The following GALNT13 variants were observed in gnomAD, a reference collection of about 807,000 sequenced individuals.
GALNT13 encodes UDP-GalNAc:polypeptide N-acetylgalactosaminyltransferase 13.
In GALNT13, 28 loss-of-function variants were observed where a neutral mutation model predicts 64.2. The ratio of observed to expected loss-of-function variants is 0.44; its 90% CI spans 0.32 to 0.60. The LOEUF (loss-of-function observed/expected upper bound fraction) is 0.60, where lower values mean the gene tolerates loss of function less well. Ranked by LOEUF, GALNT13 falls within the 20% of genes least tolerant of loss-of-function variation. The pLI, the probability that GALNT13 is intolerant of heterozygous loss-of-function variation, is 0.05. For missense variants in GALNT13, 577 were observed against 669.8 expected, an observed-to-expected ratio of 0.86 and a Z score of 1.53; for synonymous variants, 214 against 224.6, an observed-to-expected ratio of 0.95 and a Z score of 0.42.
intron 4 of GALNT13, among the ~76,000 whole-genome samples, chr2:154,237,992 T>C (rs1689286908): frequency 6.6e-6 from 1 of 152,042 alleles, no homozygotes; most frequent in African/African-American, 2.4e-5. Flanking sequence ...CTGATTTATA[T>C]GGCTTTTTTC....
chr2:153,789,698 A>C, the GALNT13 span, among the ~76,000 whole-genome samples: 1 of 152,110 alleles, frequency 6.6e-6, no homozygotes, highest in Non-Finnish European at 1.5e-5. Flanking sequence ...CTAGACTAAC[A>C]AAGAAAAGAG....
At chr2:154,315,647 TG>T (rs1178575358) in intron 9 of GALNT13, among the ~76,000 whole-genome samples, 2 of 152,200 alleles carry the variant, frequency 1.3e-5, no homozygotes, top group Admixed American at 6.5e-5. Flanking sequence ...GTATATTAAT[TG>T]CCTAAAAATG....
the GALNT13 span, among the ~76,000 whole-genome samples, chr2:153,768,993 A>T: frequency 6.6e-6 from 1 of 152,146 alleles, no homozygotes. Flanking sequence ...AGCTGTCTTT[A>T]GTCATTACAC....
intron 3 of GALNT13, among the ~76,000 whole-genome samples, chr2:153,980,623 A>T (rs1694399328): frequency 6.6e-6 from 1 of 152,126 alleles, no homozygotes; most frequent in Non-Finnish European, 1.5e-5. Context: ...GATTCATGTA[A>T]GAGTTTTGAG....
chr2:154,244,583 C>G (rs1164021491), intron 6 of GALNT13, among the ~76,000 whole-genome samples: 1 of 152,086 alleles, frequency 6.6e-6, no homozygotes, highest in Non-Finnish European at 1.5e-5. Context: ...TACCTTCTAC[C>G]AAATATGAAA....
chr2:153,708,550 A>T, the GALNT13 span, among the ~76,000 whole-genome samples: 1 of 152,178 alleles, frequency 6.6e-6, no homozygotes, highest in Non-Finnish European at 1.5e-5. Flanking sequence ...GAGAATCTTA[A>T]AAAAATTGAA....
At chr2:154,265,462 G>A (rs950399198) in intron 8 of GALNT13, among the ~76,000 whole-genome samples, 3 of 152,140 alleles carry the variant, frequency 2.0e-5, no homozygotes, top group Non-Finnish European at 2.9e-5. Context: ...ACTTTGTGAG[G>A]CCGAGGAGGG....
chr2:153,933,506 T>C (rs937385666), intron 2 of GALNT13, among the ~76,000 whole-genome samples: 1 of 152,178 alleles, frequency 6.6e-6, no homozygotes, highest in Non-Finnish European at 1.5e-5. Context: ...TGAGTCTTTC[T>C]TCTTTATCCA....
chr2:153,264,330 C>A, the GALNT13 span, among the ~76,000 whole-genome samples: 1 of 152,182 alleles, frequency 6.6e-6, no homozygotes. Context: ...TGCTTTTACA[C>A]TGTTGGTGGG....
chr2:153,747,349 C>A, the GALNT13 span, among the ~76,000 whole-genome samples: 2 of 151,592 alleles, frequency 1.3e-5, no homozygotes, highest in Admixed American at 1.3e-4. Flanking sequence ...CATCCCACCC[C>A]CTGAAACCCT....
chr2:153,358,106 A>C, the GALNT13 span, among the ~76,000 whole-genome samples: 1 of 152,212 alleles, frequency 6.6e-6, no homozygotes, highest in Admixed American at 6.5e-5. Context: ...AGTGCTGTGC[A>C]AAAGCCTTTT....
chr2:154,170,833 A>G (rs997363984), intron 4 of GALNT13, among the ~76,000 whole-genome samples: 2 of 152,210 alleles, frequency 1.3e-5, no homozygotes, highest in Non-Finnish European at 2.9e-5. Flanking sequence ...TTCCAACATG[A>G]AAATATCCAG....
chr2:153,700,141 C>G, the GALNT13 span, among the ~76,000 whole-genome samples: 1 of 152,094 alleles, frequency 6.6e-6, no homozygotes, highest in Admixed American at 6.6e-5. Flanking sequence ...AAAAGCTTAT[C>G]CACCACCACC....
chr2:153,851,559 G>C, the GALNT13 span, among the ~76,000 whole-genome samples: 12 of 150,992 alleles, frequency 7.9e-5, no homozygotes, highest in Admixed American at 7.9e-4. Context: ...AAAAAAAGTA[G>C]CTTGGTGTGA....
chr2:153,234,640 A>C, the GALNT13 span, among the ~76,000 whole-genome samples: 1 of 152,142 alleles, frequency 6.6e-6, no homozygotes, highest in Non-Finnish European at 1.5e-5. Flanking sequence ...CATCTACATA[A>C]GGATATTTTT....
intron 3 of GALNT13, among the ~76,000 whole-genome samples, chr2:153,957,389 G>T (rs1382071394): frequency 6.6e-6 from 1 of 152,230 alleles, no homozygotes; most frequent in East Asian, 1.9e-4. Context: ...TGGAGTCACT[G>T]AAGAAAAATG....
At chr2:154,291,458 C>T (rs1366778236) in intron 8 of GALNT13, among the ~76,000 whole-genome samples, 1 of 152,222 alleles carries the variant, frequency 6.6e-6, no homozygotes, top group African/African-American at 2.4e-5. Flanking sequence ...CCCCACCCTA[C>T]CCAGAAGCCC....
chr2:153,814,172 G>T, the GALNT13 span, among the ~76,000 whole-genome samples: 17 of 152,202 alleles, frequency 1.1e-4, no homozygotes, highest in Admixed American at 1.0e-3. Context: ...CGGGCGCGGT[G>T]GCTCACGCCT....
the GALNT13 span, among the ~76,000 whole-genome samples, chr2:153,726,415 TA>T: frequency 6.6e-6 from 1 of 152,070 alleles, no homozygotes; most frequent in Admixed American, 6.6e-5. Flanking sequence ...CATGTAGCCA[TA>T]ATTTGAAAGT....
Sources: allele counts gnomAD v4.1 joint callset (sites outside exome capture counted in the v4.1 genomes callset), GRCh38; gene constraint gnomAD v4.1.1; transcripts MANE v1.5; gene names NCBI Gene and HGNC (gene_info 2026-07-23, HGNC 2026-07-21).